Variants in EIF5A observed in about 807,000 individuals in gnomAD.
The protein encoded by EIF5A is eukaryotic translation initiation factor 5A, also known as eukaryotic translation initiation factor 5A-1.
Under a neutral mutation model 16.6 loss-of-function variants are expected in EIF5A, and 1 was observed. The ratio of observed to expected loss-of-function variants is 0.06; its 90% CI spans 0.02 to 0.28. The LOEUF (loss-of-function observed/expected upper bound fraction) is 0.28. EIF5A is among the 10% of genes least tolerant of loss of function. The probability of loss-of-function intolerance (pLI) is 1.00; values close to 1 mark genes in which losing one functional copy is unlikely to be tolerated. For synonymous variants in EIF5A, 80 were observed against 73.6 expected, an observed-to-expected ratio of 1.09 and a Z score of -0.44; for missense variants, 29 against 196.1, an observed-to-expected ratio of 0.15 and a Z score of 5.09.
intron 2 of EIF5A, 80 bp from the exon 3 acceptor site, chr17:7,310,938 A>T (rs1458055642): frequency 2.7e-6 from 4 of 1,509,284 alleles, no homozygotes; most frequent in Non-Finnish European, 3.6e-6. Flanking sequence ...GACTTCCCTC[A>T]TCAGGCAAGG....
In EIF5A at chr17:7,309,622, C is replaced by T. The variant is rs1170109607; in HGVS notation, c.-14C>T. ...TTCTCTTCTTGGCTCTAGTTGGAAT[C>T]GAAGCCTCTTAAAATGGCAGATGAC... On this transcript the variant is annotated 5_prime_UTR_variant, in exon 2 of 6. Coordinates refer to ENST00000336458, the MANE Select transcript of EIF5A (RefSeq NM_001970.5). The T allele has an allele frequency of 1.9e-6, 3 of 1,614,166 alleles. No individual in the cohort carries two copies. The highest frequency in any genetic ancestry group is 2.5e-6 in the Non-Finnish European group (3 of 1,180,042).
rs763847749 is a variant in EIF5A, at chr17:7,308,519, A to G, written c.-22+767A>G. On this transcript the variant is annotated intron_variant, in intron 1 of 5. Coordinates refer to ENST00000336458, the MANE Select transcript of EIF5A (RefSeq NM_001970.5). ...CATATGTTAGCGCTTCCCAACCTCA[A>G]GGGCCCCAGGAGCTTTCCTGAAAAA... 14 of 1,351,464 alleles carry G rather than the reference A, an allele frequency of 1.0e-5. No homozygotes were observed. The South Asian group carries it at 1.6e-4, about 15-fold the overall frequency. The allele number at this position is 1,351,464 out of a possible 1,614,324, so 83.7% of individuals were successfully genotyped here. A position where few individuals can be genotyped will look rare whatever the true frequency, so the allele number is the denominator to read the frequency against.
At chr17:7,309,530 A>G in intron 1 of EIF5A, 85 bp from the exon 2 acceptor site, 1 of 1,554,808 alleles carries the variant, frequency 6.4e-7, no homozygotes, top group Non-Finnish European at 8.7e-7. Context: ...AAGAGTTGGG[A>G]AAATGTTTCT....
chr17:7,307,635 G>A lies in EIF5A; in HGVS notation c.-139G>A. On this transcript the variant is annotated 5_prime_UTR_variant, in exon 1 of 6. Coordinates refer to ENST00000336458, the MANE Select transcript of EIF5A (RefSeq NM_001970.5). Reference sequence around the variant, plus strand: ...TGGGGAGTCGGCGCCTGCGTACTAAGACCCGTGTGCAGCAGCGGCGGCGGC... The same window carrying A: ...TGGGGAGTCGGCGCCTGCGTACTAAAACCCGTGTGCAGCAGCGGCGGCGGC... 9.6e-7 allele frequency: 1 copy of A among 1,040,958 alleles called. No individual in the cohort carries two copies. The highest frequency in any genetic ancestry group is 1.2e-6 in the Non-Finnish European group (1 of 865,656). 64.5% of individuals were successfully genotyped at this position (1,040,958 alleles called of 1,614,324 possible).
At chr17:7,310,775 C>T in intron 2 of EIF5A, 1 of 985,404 alleles carries the variant, frequency 1.0e-6, no homozygotes, top group African/African-American at 1.7e-5. Context: ...CTGTCTTCTC[C>T]AAGCCTGCCA....
At chr17:7,310,033 G>A (rs78916808) in intron 2 of EIF5A, 79,972 of 1,500,532 alleles carry the variant, frequency 0.053, 2,413 homozygotes, top group Middle Eastern at 0.076. Flanking sequence ...CAGTCCCTCC[G>A]TTTCTCCAGC....
intron 2 of EIF5A, chr17:7,310,692 A>T: frequency 1.0e-6 from 1 of 985,380 alleles, no homozygotes; most frequent in African/African-American, 1.7e-5. Context: ...GTGTCCGGAA[A>T]ACTCTTCGAA....
At position 7,309,609 on chromosome 17, in the gene EIF5A, C is replaced by G; in HGVS notation, c.-21-6C>G. 1 of 1,614,092 alleles carries G rather than the reference C, an allele frequency of 6.2e-7. No individual in the cohort carries two copies. Among genetic ancestry groups the G allele is most frequent in the Non-Finnish European group, 8.5e-7 (1 of 1,180,024 alleles). ...TTATTCACTTCAGTTCTCTTCTTGG[C>G]TCTAGTTGGAATCGAAGCCTCTTAA... On this transcript the variant is annotated splice_region_variant and splice_polypyrimidine_tract_variant and intron_variant, in intron 1 of 5. Coordinates refer to ENST00000336458, the MANE Select transcript of EIF5A (RefSeq NM_001970.5).
At chr17:7,310,667 C>T in intron 2 of EIF5A, 1 of 985,400 alleles carries the variant, frequency 1.0e-6, no homozygotes, top group Non-Finnish European at 1.2e-6. Context: ...CCCAGTTTCT[C>T]AGCTCCTTCT....
intron 1 of EIF5A, chr17:7,308,498 T>C (rs2072705692): frequency 7.4e-7 from 1 of 1,351,024 alleles, no homozygotes; most frequent in Admixed American, 1.9e-5. Context: ...TGCAGGCATA[T>C]GTTAGCGCTT....
rs2072663995 is a variant in EIF5A at position 7,307,657 on chromosome 17, C to T, written c.-117C>T. On this transcript the variant is annotated 5_prime_UTR_variant, in exon 1 of 6. Coordinates refer to ENST00000336458, the MANE Select transcript of EIF5A (RefSeq NM_001970.5). Reference sequence around the variant, plus strand: ...TAAGACCCGTGTGCAGCAGCGGCGGCGGCGGTAGAGGCGGCGGCGGCGGCG... The same window carrying T: ...TAAGACCCGTGTGCAGCAGCGGCGGTGGCGGTAGAGGCGGCGGCGGCGGCG... 8.6e-6 allele frequency: 9 copies of T among 1,049,198 alleles called. No homozygotes were observed. Among genetic ancestry groups the T allele is most frequent in the South Asian group, 5.8e-5 (2 of 34,582 alleles). 65.0% of individuals were successfully genotyped at this position (1,049,198 alleles called of 1,614,324 possible). A position where few individuals can be genotyped will look rare whatever the true frequency, so the allele number is the denominator to read the frequency against.
At chr17:7,308,763 C>T (rs1171123165) in intron 1 of EIF5A, among the ~76,000 whole-genome samples, 7 of 152,140 alleles carry the variant, frequency 4.6e-5, no homozygotes, top group Admixed American at 3.9e-4. Context: ...GGGAGTTCCA[C>T]GGTTTCGAAG....
chr17:7,311,949 T>TC lies in EIF5A; in HGVS notation c.*143dup. 1 of 467,082 alleles carries TC rather than the reference T, an allele frequency of 2.1e-6. No individual in the cohort carries two copies. Among genetic ancestry groups the TC allele is most frequent in the East Asian group, 4.1e-5 (1 of 24,436 alleles). The allele number at this position is 467,082 out of a possible 1,614,324, so 28.9% of individuals were successfully genotyped here. On this transcript the variant is annotated 3_prime_UTR_variant, in exon 6 of 6. Transcript: ENST00000336458. The stretch of plus-strand genomic sequence containing the variant: ...TTTATTTGACGTTTTATTTTGGTTT[T>TC]CCCCACCCCCTCAATCTGTCGGGGA...
chr17:7,307,609 G>A, upstream of EIF5A: 1 of 1,023,468 alleles, frequency 9.8e-7, no homozygotes, highest in South Asian at 3.2e-5. Flanking sequence ...TGGTTGGTCA[G>A]TGGGGAGTCG....
At chr17:7,311,242 T>C (rs962438218) in intron 3 of EIF5A, 108 bp from the exon 4 acceptor site, 8 of 1,572,242 alleles carry the variant, frequency 5.1e-6, no homozygotes, top group Non-Finnish European at 6.9e-6. Flanking sequence ...CAGGAGAGGG[T>C]GTTTGGTATT....
At chr17:7,307,239 G>A, upstream of EIF5A, 1 of 1,259,786 alleles carries the variant, frequency 7.9e-7, no homozygotes, top group Non-Finnish European at 1.1e-6. Flanking sequence ...GGCGTCTGAG[G>A]TGGAAGGGGT....
upstream of EIF5A, chr17:7,307,500 G>A: frequency 9.7e-7 from 1 of 1,032,440 alleles, no homozygotes; most frequent in Non-Finnish European, 1.2e-6. Context: ...GTCGGTGGGA[G>A]GGAGGGTGGA....
At chr17:7,309,843 G>A (rs769545622) in intron 2 of EIF5A, 43 bp downstream of exon 2, 9 of 1,614,102 alleles carry the variant, frequency 5.6e-6, no homozygotes, top group Non-Finnish European at 7.6e-6. Context: ...CATGCCTCCA[G>A]TATCTTTGGC....
chr17:7,310,196 CT>C (rs2072775788), intron 2 of EIF5A: 5 of 1,292,148 alleles, frequency 3.9e-6, no homozygotes, highest in Non-Finnish European at 5.0e-6. Flanking sequence ...AATTCTACGC[CT>C]TCCCCTGGAG....
Sources: allele counts gnomAD v4.1 joint callset (sites outside exome capture counted in the v4.1 genomes callset), GRCh38; gene constraint gnomAD v4.1.1; transcripts MANE v1.5; gene names NCBI Gene and HGNC (gene_info 2026-07-23, HGNC 2026-07-21).